The following BAIAP2L1 variants were observed in gnomAD, a reference collection of about 807,000 sequenced individuals.
BAIAP2L1 encodes BAR/IMD domain-containing adapter protein 2-like 1.
BAIAP2L1 carries 35 observed loss-of-function variants against 66.3 expected under a neutral mutation model. That is an observed-to-expected ratio of 0.53 (90% CI 0.40 to 0.70). BAIAP2L1 has a LOEUF of 0.70. BAIAP2L1 is among the 30% of genes least tolerant of loss of function. The pLI is 0.00. For missense variants in BAIAP2L1, 622 were observed against 656.9 expected, an observed-to-expected ratio of 0.95 and a Z score of 0.58; for synonymous variants, 269 against 248.7, an observed-to-expected ratio of 1.08 and a Z score of -0.77.
intron 1 of BAIAP2L1, among the ~76,000 whole-genome samples, chr7:98,397,599 T>C (rs1402430397): frequency 6.6e-6 from 1 of 152,144 alleles, no homozygotes; most frequent in Non-Finnish European, 1.5e-5. Context: ...AGTGCTGGGA[T>C]TACAGGCGTG....
intron 1 of BAIAP2L1, among the ~76,000 whole-genome samples, chr7:98,391,014 T>G (rs1195249784): frequency 2.2e-5 from 3 of 138,362 alleles, no homozygotes; most frequent in Non-Finnish European, 4.9e-5. Context: ...TTTTTTTTTT[T>G]TGTATTTTTA....
chr7:98,334,175 A>G lies in BAIAP2L1; in HGVS notation c.215-13877T>C, dbSNP rs540659642. On this transcript the variant is annotated intron_variant, in intron 3 of 13. Transcript: ENST00000005260. ...AAATGTTTAATCAAATAAGAAGAAA[A>G]AGAGAGATCTTAGTAGGTAACAAAT... is the stretch of plus-strand genomic sequence containing the variant. 6.6e-5 allele frequency among the ~76,000 whole-genome samples: 10 copies of G among 152,294 alleles called. No homozygotes were observed. In the South Asian group the frequency reaches 1.2e-3, roughly 19 times the overall value.
rs114667324 is a variant in BAIAP2L1, at chr7:98,315,152, C to T, written c.639+308G>A. 6.3e-3 allele frequency among the ~76,000 whole-genome samples: 956 copies of T among 152,250 alleles called. 7 individuals carry two copies. Among genetic ancestry groups the T allele is most frequent in the African/African-American group, 0.02 (847 of 41,532 alleles). ...GTATGGACTGATTGAGACAGGGTCC[C>T]GCTCTGTTGCTCAGGTTGGAGTGCA... On this transcript the variant is annotated intron_variant, in intron 7 of 13. Transcript: ENST00000005260.
Position 98,386,150 on chromosome 7 carries a change from T to C in BAIAP2L1, c.51+14652A>G, listed in dbSNP as rs1802885922. On this transcript the variant is annotated intron_variant, in intron 1 of 13. Coordinates refer to ENST00000005260, the MANE Select transcript of BAIAP2L1 (RefSeq NM_018842.5). The stretch of plus-strand genomic sequence containing the variant: ...TAAGAGGTCTTCCGTATCTGATTGT[T>C]GCGTTTTTTAGTAAAACCAACACAG... The C allele has an allele frequency of 5.0e-6, 8 of 1,592,046 alleles. No homozygotes were observed. The South Asian group carries it at 8.8e-5, about 18-fold the overall frequency.
intron 7 of BAIAP2L1, among the ~76,000 whole-genome samples, chr7:98,313,202 C>T (rs1439650023): frequency 6.6e-6 from 1 of 151,738 alleles, no homozygotes; most frequent in African/African-American, 2.4e-5. Context: ...CTGCTTGGGC[C>T]TGCTTCATCC....
At chr7:98,388,193 A>G (rs147129393) in intron 1 of BAIAP2L1, among the ~76,000 whole-genome samples, 50 of 152,316 alleles carry the variant, frequency 3.3e-4, no homozygotes, top group Non-Finnish European at 6.9e-4. Context: ...TTTAATCTTC[A>G]CAGCAACCCT....
chr7:98,350,495 C>T (rs1323773693), intron 3 of BAIAP2L1, among the ~76,000 whole-genome samples: 1 of 152,022 alleles, frequency 6.6e-6, no homozygotes, highest in African/African-American at 2.4e-5. Context: ...ACCGCTCCTA[C>T]TAAAAATACA....
rs1367909376 is a variant in BAIAP2L1, at chr7:98,315,493, G to T, written c.606C>A (p.Gly202=). 6.6e-7 allele frequency: 1 copy of T among 1,510,252 alleles called. No individual in the cohort carries two copies. Among genetic ancestry groups the T allele is most frequent in the Non-Finnish European group, 8.9e-7 (1 of 1,123,950 alleles). 93.6% of individuals were successfully genotyped at this position (1,510,252 alleles called of 1,614,324 possible). The change falls in exon 7 of 14, where the codon GGC becomes GGA. Residue 202 remains glycine, a synonymous_variant. Transcript: ENST00000005260. ...GATAATAATGTATGTGGTTTGCAAAGCCACAGTGCTTATCAACCAGAAAGC... is the reference window on the plus strand; with the variant it reads ...GATAATAATGTATGTGGTTTGCAAATCCACAGTGCTTATCAACCAGAAAGC... ...RFCFLVDKHC[G]FANHIHYYHL...
At position 98,315,614 on chromosome 7, in the gene BAIAP2L1, T is replaced by TAAAAAA; in HGVS notation, c.487-8_487-3dup. 1 of 772,466 alleles carries TAAAAAA rather than the reference T, an allele frequency of 1.3e-6. No individual in the cohort carries two copies. The highest frequency in any genetic ancestry group is 2.0e-5 in the African/African-American group (1 of 51,186). The allele number at this position is 772,466 out of a possible 1,614,324, so 47.9% of individuals were successfully genotyped here. ...ACGAGAAGTAACGGTCTCCACATAC[T>TAAAAAA]AAAAAAAAAAAAATAATAATAATAA... On this transcript the variant is annotated splice_polypyrimidine_tract_variant and splice_region_variant and intron_variant, in intron 6 of 13. Transcript: ENST00000005260.
intron 3 of BAIAP2L1, among the ~76,000 whole-genome samples, chr7:98,325,305 T>A (rs1584458333): frequency 6.6e-6 from 1 of 150,796 alleles, no homozygotes; most frequent in African/African-American, 2.4e-5. Flanking sequence ...ACTGCAGAGG[T>A]GGCAGTGAGC....
At chr7:98,386,524 C>T (rs190275785) in intron 1 of BAIAP2L1, 3 of 1,596,668 alleles carry the variant, frequency 1.9e-6, no homozygotes, top group East Asian at 4.5e-5. Context: ...GGATCAACCA[C>T]TTTCTTCTTG....
chr7:98,351,588 A>G (rs1802002428), intron 3 of BAIAP2L1, among the ~76,000 whole-genome samples: 1 of 152,066 alleles, frequency 6.6e-6, no homozygotes, highest in Admixed American at 6.6e-5. Flanking sequence ...AGAGGATGTG[A>G]TGGTTGGAGA....
Position 98,304,244 on chromosome 7 carries a change from C to T in BAIAP2L1, c.1374G>A (p.Thr458=), listed in dbSNP as rs773513223. Residue 458 remains threonine, a synonymous_variant, in exon 12 of 14, where the codon ACG becomes ACA. Coordinates refer to ENST00000005260, the MANE Select transcript of BAIAP2L1 (RefSeq NM_018842.5). ...ACGCTGGGGCCTTAAAGGTGGATGT[C>T]GTCCTGGCCGAATCTGCTCTCCTGT... ...AADRRADSAR[T]TSTFKAPASK... is the part of the protein sequence containing the mutation. 19 of 1,613,032 alleles carry T rather than the reference C, an allele frequency of 1.2e-5. No homozygotes were observed. Among genetic ancestry groups the T allele is most frequent in the Admixed American group, 8.4e-5 (5 of 59,774 alleles).
At chr7:98,310,187 G>A in intron 9 of BAIAP2L1, 1 of 420,588 alleles carries the variant, frequency 2.4e-6, no homozygotes, top group Non-Finnish European at 4.2e-6. Context: ...TCAACAGTAT[G>A]TTTACTCTGG....
At chr7:98,352,242 C>A (rs199861922) in intron 3 of BAIAP2L1, among the ~76,000 whole-genome samples, 5 of 151,830 alleles carry the variant, frequency 3.3e-5, no homozygotes, top group Non-Finnish European at 7.4e-5. Context: ...TTGTTCGAAA[C>A]GAGAAGAAAA....
At chr7:98,345,512 G>A (rs1255601289) in intron 3 of BAIAP2L1, among the ~76,000 whole-genome samples, 2 of 152,090 alleles carry the variant, frequency 1.3e-5, no homozygotes, top group East Asian at 1.9e-4. Context: ...ATCACCTGAG[G>A]TAAGGAGTTT....
At chr7:98,385,566 C>T (rs1802866569) in intron 1 of BAIAP2L1, among the ~76,000 whole-genome samples, 1 of 151,698 alleles carries the variant, frequency 6.6e-6, no homozygotes, top group South Asian at 2.1e-4. Context: ...CACACGCCCC[C>T]ATGCCCAGTT....
chr7:98,346,654 AAGGAC>A (rs755434070), intron 3 of BAIAP2L1, among the ~76,000 whole-genome samples: 16 of 152,326 alleles, frequency 1.1e-4, no homozygotes, highest in Non-Finnish European at 1.8e-4. Flanking sequence ...CTATTGGTGC[AAGGAC>A]AGCAGAGCAT....
At chr7:98,355,534 A>G (rs1339685027) in intron 2 of BAIAP2L1, 2 of 151,816 alleles carry the variant, frequency 1.3e-5, no homozygotes, top group East Asian at 1.7e-4. Context: ...AGCCTGGGCA[A>G]CATGGTAAAA....
Sources: allele counts gnomAD v4.1 joint callset (sites outside exome capture counted in the v4.1 genomes callset), GRCh38; gene constraint gnomAD v4.1.1; transcripts MANE v1.5; gene names NCBI Gene and HGNC (gene_info 2026-07-23, HGNC 2026-07-21).